EPHA5: variants seen among roughly 807,000 people sequenced by gnomAD.
EPHA5 encodes the protein ephrin type-A receptor 5.
A neutral mutation model predicts 105.0 loss-of-function variants in EPHA5; 60 were observed. The ratio of observed to expected loss-of-function variants is 0.57; its 90% confidence interval spans 0.46 to 0.71. The LOEUF (loss-of-function observed/expected upper bound fraction) is 0.71, where lower values mean the gene tolerates loss of function less well. Among genes scored for constraint, EPHA5 ranks in the 30% least tolerant of loss-of-function variants. The probability of loss-of-function intolerance (pLI) is 0.00; values close to 1 mark genes in which losing one functional copy is unlikely to be tolerated. For synonymous variants in EPHA5, 513 were observed against 449.1 expected, an observed-to-expected ratio of 1.14 and a Z score of -1.80; for missense variants, 1,218 against 1,274.7, an observed-to-expected ratio of 0.96 and a Z score of 0.68.
chr4:65,546,311 TTA>T (rs1444448691), intron 3 of EPHA5, among the ~76,000 whole-genome samples: 5 of 151,942 alleles, frequency 3.3e-5, no homozygotes, highest in Non-Finnish European at 7.4e-5. Context: ...CATTAAACAT[TTA>T]TGTGTCTTCT....
At chr4:65,539,016 G>A (rs1455608736) in intron 3 of EPHA5, among the ~76,000 whole-genome samples, 1 of 151,682 alleles carries the variant, frequency 6.6e-6, no homozygotes, top group Non-Finnish European at 1.5e-5. Context: ...ATTGTTCTCT[G>A]TTTGAGCTGT....
At chr4:65,554,594 C>T (rs1412910600) in intron 3 of EPHA5, among the ~76,000 whole-genome samples, 10 of 151,414 alleles carry the variant, frequency 6.6e-5, no homozygotes, top group African/African-American at 1.9e-4. Context: ...TATTGTATTT[C>T]TATTCTTATA....
chr4:65,368,906 G>T (rs972026578), intron 8 of EPHA5, among the ~76,000 whole-genome samples: 13 of 152,194 alleles, frequency 8.5e-5, no homozygotes, highest in South Asian at 2.1e-4. Context: ...ATTTCCAACT[G>T]TCAAAGTTCA....
intron 3 of EPHA5, among the ~76,000 whole-genome samples, chr4:65,573,305 G>A (rs1025460362): frequency 6.6e-6 from 1 of 151,406 alleles, no homozygotes; most frequent in Non-Finnish European, 1.5e-5. Flanking sequence ...CAGCTACTTG[G>A]GAGGCGGAGG....
At chr4:65,439,395 G>A (rs996842376) in intron 5 of EPHA5, among the ~76,000 whole-genome samples, 1 of 152,014 alleles carries the variant, frequency 6.6e-6, no homozygotes, top group African/African-American at 2.4e-5. Context: ...GCTGAACTAA[G>A]TAAAATTTTG....
At chr4:65,667,704 C>A (rs1336298938) in intron 1 of EPHA5, among the ~76,000 whole-genome samples, 2 of 152,190 alleles carry the variant, frequency 1.3e-5, no homozygotes, top group Non-Finnish European at 2.9e-5. Flanking sequence ...TGTTCCCATT[C>A]AGTGTCACTC....
intron 8 of EPHA5, 56 bp from the exon 9 acceptor site, chr4:65,367,480 CAAGCCCAG>C: frequency 6.6e-7 from 1 of 1,516,984 alleles, no homozygotes; most frequent in Non-Finnish European, 9.1e-7. Context: ...TCAGTCACAT[CAAGCCCAG>C]AAGCATGAAG....
chr4:65,663,409 T>G (rs980035788), intron 1 of EPHA5, among the ~76,000 whole-genome samples: 3 of 152,000 alleles, frequency 2.0e-5, no homozygotes, highest in Admixed American at 2.0e-4. Flanking sequence ...TTTATGACTT[T>G]GTAACATCTG....
At chr4:65,578,765 C>A (rs973398158) in intron 3 of EPHA5, among the ~76,000 whole-genome samples, 1 of 151,526 alleles carries the variant, frequency 6.6e-6, no homozygotes, top group African/African-American at 2.4e-5. Flanking sequence ...AAAGATTTGG[C>A]AATAATTGGT....
chr4:65,415,078 A>G (rs1043243832), intron 6 of EPHA5, among the ~76,000 whole-genome samples: 10 of 152,272 alleles, frequency 6.6e-5, no homozygotes, highest in Non-Finnish European at 8.8e-5. Context: ...ATGTACTAGG[A>G]AAAAAATTAC....
chr4:65,583,849 A>G (rs1741875287), intron 3 of EPHA5, among the ~76,000 whole-genome samples: 1 of 151,762 alleles, frequency 6.6e-6, no homozygotes, highest in African/African-American at 2.4e-5. Context: ...CTAAATGTAT[A>G]CATAAAATAG....
chr4:65,509,726 T>C (rs1309258829), intron 3 of EPHA5, among the ~76,000 whole-genome samples: 1 of 152,184 alleles, frequency 6.6e-6, no homozygotes, highest in African/African-American at 2.4e-5. Context: ...TAAAGCAAAC[T>C]AACATTTATT....
intron 8 of EPHA5, among the ~76,000 whole-genome samples, chr4:65,385,209 A>T (rs1232428835): frequency 6.6e-6 from 1 of 151,830 alleles, no homozygotes; most frequent in Admixed American, 6.6e-5. Context: ...TAAAAATATG[A>T]GTGGGTTCAA....
chr4:65,594,438 T>A (rs1578523379), intron 3 of EPHA5, among the ~76,000 whole-genome samples: 1 of 152,186 alleles, frequency 6.6e-6, no homozygotes, highest in Admixed American at 6.5e-5. Flanking sequence ...TAAAACATCC[T>A]AGAGACCTGC....
At chr4:65,614,215 AT>A (rs1049506234) in intron 2 of EPHA5, among the ~76,000 whole-genome samples, 3 of 151,804 alleles carry the variant, frequency 2.0e-5, no homozygotes, top group African/African-American at 2.4e-5. Flanking sequence ...AGTAAAATTA[AT>A]TTTTCAGTGT....
At chr4:65,408,295 A>G (rs1560505086) in intron 7 of EPHA5, among the ~76,000 whole-genome samples, 2 of 152,102 alleles carry the variant, frequency 1.3e-5, no homozygotes, top group Admixed American at 6.6e-5. Context: ...TAAAATTTTA[A>G]TCTTTAAGAT....
In EPHA5 at chr4:65,645,402, C is replaced by T. The variant is rs559299071; in HGVS notation, c.182-1975G>A. ...ATCAGCAAACTAAGGGTGCTAATGACGGCAATCAAATTGAACTTAATCCTT... is the reference window on the plus strand; with the variant it reads ...ATCAGCAAACTAAGGGTGCTAATGATGGCAATCAAATTGAACTTAATCCTT... On this transcript the variant is annotated intron_variant, in intron 1 of 16. Coordinates refer to ENST00000613740, the MANE Select transcript of EPHA5 (RefSeq NM_001281766.3). Among the ~76,000 whole-genome samples the T allele has an allele frequency of 1.1e-4, 17 of 152,128 alleles. No homozygotes were observed. In the South Asian group the frequency reaches 3.3e-3, roughly 30 times the overall value.
chr4:65,347,140 A>G (rs1418836153), intron 14 of EPHA5, among the ~76,000 whole-genome samples: 1 of 151,798 alleles, frequency 6.6e-6, no homozygotes, highest in Admixed American at 6.6e-5. Flanking sequence ...GGCATGAGAG[A>G]GGGAGGTTTT....
At chr4:65,389,451 T>A (rs28447587) in intron 8 of EPHA5, among the ~76,000 whole-genome samples, 9,652 of 152,118 alleles carry the variant, frequency 0.063, 992 homozygotes, top group African/African-American at 0.22. Flanking sequence ...TGTGTAATAT[T>A]TCTCCATATT....
Sources: gnomAD v4.1 joint callset for allele counts (sites outside exome capture counted in the v4.1 genomes callset) on GRCh38, gnomAD v4.1.1 for gene constraint, MANE v1.5 for transcripts, NCBI Gene and HGNC (gene_info 2026-07-23, HGNC 2026-07-21) for gene names.